RANBP2: variants seen among roughly 807,000 people sequenced by gnomAD.
RANBP2 encodes RAN binding protein 2.
A neutral mutation model predicts 303.6 loss-of-function variants in RANBP2; 57 were observed. The ratio of observed to expected loss-of-function variants is 0.19; its 90% CI spans 0.15 to 0.23. The LOEUF (loss-of-function observed/expected upper bound fraction) is 0.23. Among genes scored for constraint, RANBP2 ranks in the 10% least tolerant of loss-of-function variants. The pLI is 1.00. For synonymous variants in RANBP2, 1,167 were observed against 1,301.5 expected (o/e 0.90, Z 2.23); for missense variants, 3,138 against 3,780.8 (o/e 0.83, Z 4.46).
chr2:108,988,099 C>T, the RANBP2 span, among the ~76,000 whole-genome samples: 12 of 152,212 alleles, frequency 7.9e-5, no homozygotes, highest in African/African-American at 2.9e-4. Context: ...TCCTCACATG[C>T]GTGTACCCCT....
chr2:109,061,484 G>T, the RANBP2 span, among the ~76,000 whole-genome samples: 2 of 152,046 alleles, frequency 1.3e-5, no homozygotes, highest in South Asian at 4.1e-4. Flanking sequence ...TGTGTGCATG[G>T]CAAGCCCTCA....
At chr2:108,962,484 G>A in the RANBP2 span, among the ~76,000 whole-genome samples, 147 of 151,804 alleles carry the variant, frequency 9.7e-4, 1 homozygote, top group African/African-American at 3.3e-3. Flanking sequence ...CCATCCTGGC[G>A]AACACAGTGA....
intron 22 of RANBP2, 102 bp downstream of exon 22, chr2:108,772,683 C>T: frequency 7.8e-7 from 1 of 1,288,190 alleles, no homozygotes; most frequent in Non-Finnish European, 1.1e-6. Flanking sequence ...TTTTACGATG[C>T]CCATGGTGAT....
the RANBP2 span, among the ~76,000 whole-genome samples, chr2:109,500,971 A>G: frequency 0.2 from 29,807 of 152,194 alleles, 3,195 homozygotes; most frequent in Admixed American, 0.3. Context: ...GACAATTTAC[A>G]TAAACAATGT....
chr2:109,505,247 G>A, the RANBP2 span, among the ~76,000 whole-genome samples: 65 of 152,310 alleles, frequency 4.3e-4, no homozygotes, highest in African/African-American at 1.3e-3. Flanking sequence ...GGGCTGGGCC[G>A]CCAGCCTGAT....
chr2:109,099,653 T>G, the RANBP2 span, among the ~76,000 whole-genome samples: 1 of 151,966 alleles, frequency 6.6e-6, no homozygotes, highest in Admixed American at 6.6e-5. Flanking sequence ...CTGTTGTTGC[T>G]GTGGCTCTTA....
the RANBP2 span, among the ~76,000 whole-genome samples, chr2:109,021,028 C>A: frequency 6.6e-6 from 1 of 152,290 alleles, no homozygotes; most frequent in East Asian, 1.9e-4. Flanking sequence ...GGGGCTGCCT[C>A]TGAAGCAGAA....
chr2:109,273,651 A>G, the RANBP2 span, among the ~76,000 whole-genome samples: 9 of 152,298 alleles, frequency 5.9e-5, no homozygotes, highest in African/African-American at 2.2e-4. Context: ...ATGATGATAG[A>G]CATTAAACAT....
chr2:109,273,971 C>T, the RANBP2 span, among the ~76,000 whole-genome samples: 1 of 152,264 alleles, frequency 6.6e-6, no homozygotes, highest in Non-Finnish European at 1.5e-5. Context: ...AAATGGAATA[C>T]TAATTATGCT....
the RANBP2 span, chr2:109,544,347 G>C: frequency 6.4e-7 from 1 of 1,573,908 alleles, no homozygotes; most frequent in Non-Finnish European, 8.6e-7. Flanking sequence ...AGAACCTTTT[G>C]ATTGGTACAA....
chr2:109,442,970 C>T, the RANBP2 span, among the ~76,000 whole-genome samples: 1 of 152,300 alleles, frequency 6.6e-6, no homozygotes, highest in African/African-American at 2.4e-5. Context: ...AAGAAACATA[C>T]TTTAATACTT....
intron 1 of RANBP2, among the ~76,000 whole-genome samples, chr2:108,726,844 C>T (rs2149087274): frequency 6.6e-6 from 1 of 152,174 alleles, no homozygotes; most frequent in African/African-American, 2.4e-5. Context: ...TCTTAACGAG[C>T]ATGCTGCCTT....
the RANBP2 span, among the ~76,000 whole-genome samples, chr2:108,809,672 T>C: frequency 1.3e-5 from 2 of 152,338 alleles, no homozygotes; most frequent in South Asian, 2.1e-4. Context: ...TTTTTGTATG[T>C]TGATTTTGTG....
chr2:109,628,147 A>G, the RANBP2 span, among the ~76,000 whole-genome samples: 2 of 152,130 alleles, frequency 1.3e-5, no homozygotes, highest in South Asian at 2.1e-4. Flanking sequence ...GCCACCCTCC[A>G]TCATGCAGAG....
chr2:108,913,651 G>A, the RANBP2 span, among the ~76,000 whole-genome samples: 1 of 152,254 alleles, frequency 6.6e-6, no homozygotes, highest in South Asian at 2.1e-4. Flanking sequence ...GGAGGCTGGT[G>A]ATAAAAGTGT....
chr2:108,907,792 A>G, the RANBP2 span: 1 of 1,584,580 alleles, frequency 6.3e-7, no homozygotes, highest in African/African-American at 1.3e-5. Flanking sequence ...TCAATAAGAA[A>G]GTTTTAGTCT....
At chr2:108,824,572 T>G in the RANBP2 span, among the ~76,000 whole-genome samples, 1 of 152,206 alleles carries the variant, frequency 6.6e-6, no homozygotes, top group Non-Finnish European at 1.5e-5. Context: ...CTGAAGGACC[T>G]GCCTGAGGCT....
chr2:109,501,512 G>C, the RANBP2 span: 1 of 778,242 alleles, frequency 1.3e-6, no homozygotes, highest in Non-Finnish European at 2.4e-6. Flanking sequence ...GGTACCGCGT[G>C]GTGGTCTCGT....
chr2:109,430,312 C>T, the RANBP2 span, among the ~76,000 whole-genome samples: 1 of 152,228 alleles, frequency 6.6e-6, no homozygotes, highest in Non-Finnish European at 1.5e-5. Context: ...AATTGTATTT[C>T]TCTGAGAGCA....
Sources: allele counts gnomAD v4.1 joint callset (sites outside exome capture counted in the v4.1 genomes callset), GRCh38; gene constraint gnomAD v4.1.1; transcripts MANE v1.5; gene names NCBI Gene and HGNC (gene_info 2026-07-23, HGNC 2026-07-21).